Variants in STOX2 observed in about 807,000 individuals in gnomAD.
STOX2 encodes storkhead-box protein 2.
A neutral mutation model predicts 60.9 loss-of-function variants in STOX2; 28 were observed. That is an observed-to-expected ratio of 0.46 (90% CI 0.34 to 0.63). STOX2 has a LOEUF of 0.63. Ranked by LOEUF, STOX2 falls within the 30% of genes least tolerant of loss-of-function variation. The pLI is 0.01. For missense variants in STOX2, 1,024 were observed against 1,187.7 expected, an observed-to-expected ratio of 0.86 and a Z score of 2.03; for synonymous variants, 472 against 463.9, an observed-to-expected ratio of 1.02 and a Z score of -0.22.
At chr4:183,833,241 A>C (rs562653087) in intron 1 of STOX2, among the ~76,000 whole-genome samples, 2 of 152,178 alleles carry the variant, frequency 1.3e-5, no homozygotes, top group Non-Finnish European at 2.9e-5. Flanking sequence ...TGTGCTTTGC[A>C]ACCTGCCCCA....
Position 183,865,249 on chromosome 4 carries a change from A to G in STOX2, c.364+67194A>G, listed in dbSNP as rs73012655. On this transcript the variant is annotated intron_variant, in intron 1 of 2. Coordinates refer to the STOX2 transcript ENST00000513034. This position sits in a 1 kb window ranked among gnomAD's most constrained non-coding sequence, Gnocchi z 4.1. ...AGCACAAACTCCATTGAATGAAAAA[A>G]ATAGTTTATATTTTGTTTTGAAATC... Among the ~76,000 whole-genome samples, 4,277 of 152,290 alleles carry G rather than the reference A, an allele frequency of 0.028. 206 individuals are homozygous for G. Among genetic ancestry groups the G allele is most frequent in the African/African-American group, 0.099 (4,093 of 41,538 alleles).
At chr4:183,816,470 C>T (rs78424227) in intron 1 of STOX2, among the ~76,000 whole-genome samples, 3,250 of 152,098 alleles carry the variant, frequency 0.021, 110 homozygotes, top group African/African-American at 0.075. Context: ...ACATAAAAAT[C>T]GGAACAGTAG....
At chr4:183,951,227 A>AAG (rs1743080096) in intron 1 of STOX2, among the ~76,000 whole-genome samples, 1 of 150,236 alleles carries the variant, frequency 6.7e-6, no homozygotes, top group Admixed American at 6.6e-5. Flanking sequence ...AAAAAAAGAA[A>AAG]AAAAAAAAAA....
intron 1 of STOX2, among the ~76,000 whole-genome samples, chr4:183,913,498 CGTG>C (rs1421809467): frequency 6.6e-6 from 1 of 152,100 alleles, no homozygotes; most frequent in African/African-American, 2.4e-5. Flanking sequence ...CTGGGCCAGG[CGTG>C]GTGGTTCGCG....
At chr4:184,006,252 C>T (rs114234359) in intron 2 of STOX2, among the ~76,000 whole-genome samples, 2,284 of 152,242 alleles carry the variant, frequency 0.015, 25 homozygotes, top group Non-Finnish European at 0.023. Context: ...ATGAACCTTA[C>T]GAGTGTTTGA....
intron 1 of STOX2, among the ~76,000 whole-genome samples, chr4:183,814,213 A>T (rs1739100450): frequency 1.3e-5 from 2 of 152,202 alleles, no homozygotes; most frequent in Non-Finnish European, 2.9e-5. Flanking sequence ...TAAAATATCT[A>T]TGAAGGTTAT....
rs144456555 is a variant in STOX2, at chr4:183,825,012, C to T, written c.364+26957C>T. ...TGCACAATTGGAATGTCCCCATGTC[C>T]CCTATCTCCTCACACAATCTTGGGC... On this transcript the variant is annotated intron_variant, in intron 1 of 2. Transcript: ENST00000513034. The surrounding 1 kb of genome is among the most constrained non-coding windows in gnomAD (Gnocchi z 4.1). Among the ~76,000 whole-genome samples, 2 of 152,288 alleles carry T rather than the reference C, an allele frequency of 1.3e-5. No homozygotes were observed. Among genetic ancestry groups the T allele is most frequent in the African/African-American group, 4.8e-5 (2 of 41,554 alleles).
At chr4:183,840,100 G>A (rs1195082027) in intron 1 of STOX2, among the ~76,000 whole-genome samples, 1 of 151,912 alleles carries the variant, frequency 6.6e-6, no homozygotes, top group Admixed American at 6.6e-5. Flanking sequence ...AGGGGAAAAG[G>A]GATGCCAAAA....
chr4:183,987,181 T>A (rs1560921825), intron 1 of STOX2, among the ~76,000 whole-genome samples: 1 of 152,212 alleles, frequency 6.6e-6, no homozygotes, highest in Non-Finnish European at 1.5e-5. Flanking sequence ...CCTTGGCCTC[T>A]CTGACTCCAT....
chr4:183,908,911 G>A (rs761942330), intron 1 of STOX2, among the ~76,000 whole-genome samples: 1 of 152,156 alleles, frequency 6.6e-6, no homozygotes. Flanking sequence ...TTTTTATGGC[G>A]TGCCCCCAAA....
intron 1 of STOX2, among the ~76,000 whole-genome samples, chr4:183,798,270 C>T (rs1248015972): frequency 2.0e-5 from 3 of 151,202 alleles, no homozygotes; most frequent in Non-Finnish European, 4.4e-5. Context: ...CGTCCCATTC[C>T]CGGTGCGCCG....
At chr4:183,941,244 T>C (rs1742746102) in intron 1 of STOX2, among the ~76,000 whole-genome samples, 1 of 152,094 alleles carries the variant, frequency 6.6e-6, no homozygotes, top group Non-Finnish European at 1.5e-5. Context: ...CTTTTGGTTC[T>C]CCTACTCTTC....
intron 1 of STOX2, among the ~76,000 whole-genome samples, chr4:183,887,432 G>T (rs1015781655): frequency 6.6e-6 from 1 of 152,164 alleles, no homozygotes; most frequent in African/African-American, 2.4e-5. Flanking sequence ...CCTTAGAAAG[G>T]AAACTCTTTA....
intron 1 of STOX2, among the ~76,000 whole-genome samples, chr4:183,896,591 C>T (rs1741345238): frequency 6.6e-6 from 1 of 152,194 alleles, no homozygotes; most frequent in Admixed American, 6.5e-5. Flanking sequence ...ATCCTCCCAC[C>T]TTGGCCTCCT....
chr4:184,017,155 T>C lies in STOX2; in HGVS notation c.2652T>C (p.Ala884=). The C allele has an allele frequency of 6.2e-7, 1 of 1,613,882 alleles. No homozygotes were observed. The highest frequency in any genetic ancestry group is 8.5e-7 in the Non-Finnish European group (1 of 1,179,848). Residue 884 remains alanine, a synonymous_variant, in exon 4 of 4, where the codon GCT becomes GCC. Coordinates refer to ENST00000308497, the MANE Select transcript of STOX2 (RefSeq NM_020225.3). Reference sequence around the variant, plus strand: ...AAAGTAACCGTCGTCAGAACCCCGCTTTGAGCCCGGCCCATGGTGGAGCTG... The same window carrying C: ...AAAGTAACCGTCGTCAGAACCCCGCCTTGAGCCCGGCCCATGGTGGAGCTG... ...IVESNRRQNP[A]LSPAHGGAGP...
At chr4:183,798,381 G>C (rs1450581388) in intron 1 of STOX2, among the ~76,000 whole-genome samples, 1 of 150,916 alleles carries the variant, frequency 6.6e-6, no homozygotes, top group Non-Finnish European at 1.5e-5. Flanking sequence ...CGCGGCGCTC[G>C]GGGCGCGTGA....
intron 1 of STOX2, among the ~76,000 whole-genome samples, chr4:183,891,358 TTATATATATATATATATATA>T (rs60300009): frequency 0.06 from 5,066 of 85,138 alleles, 254 homozygotes; most frequent in African/African-American, 0.11. Context: ...ATGATGGAAT[TTATATATATATATATATATA>T]TATATATATA....
At chr4:183,986,892 C>T (rs72697705) in intron 1 of STOX2, among the ~76,000 whole-genome samples, 26 of 152,248 alleles carry the variant, frequency 1.7e-4, no homozygotes, top group Non-Finnish European at 3.4e-4. Flanking sequence ...GTGGGGACCC[C>T]TGTAACTCTG....
intron 1 of STOX2, among the ~76,000 whole-genome samples, chr4:183,911,324 A>C (rs1175742560): frequency 6.6e-6 from 1 of 152,218 alleles, no homozygotes; most frequent in South Asian, 2.1e-4. Context: ...GGGGGAAGAA[A>C]TAAATGAAGA....
Sources: allele counts gnomAD v4.1 joint callset (sites outside exome capture counted in the v4.1 genomes callset), GRCh38; gene constraint gnomAD v4.1.1; non-coding constraint Gnocchi (gnomAD v3.1); transcripts MANE v1.5; gene names NCBI Gene and HGNC (gene_info 2026-07-23, HGNC 2026-07-21).